Variants in GPCPD1 observed in about 807,000 individuals in gnomAD.
The protein encoded by GPCPD1 is glycerophosphocholine phosphodiesterase 1.
GPCPD1 carries 29 observed loss-of-function variants against 89.2 expected under a neutral mutation model. The observed-to-expected ratio is 0.33, with a 90% confidence interval of 0.24 to 0.44. The LOEUF is 0.44. GPCPD1 is among the 20% of genes least tolerant of loss of function. The pLI is 1.00. For missense variants in GPCPD1, 594 were observed against 808.9 expected (o/e 0.73, Z 3.22); for synonymous variants, 258 against 266.3 (o/e 0.97, Z 0.30).
chr20:5,557,520 A>C (rs1042334845), intron 19 of GPCPD1, among the ~76,000 whole-genome samples: 4 of 152,242 alleles, frequency 2.6e-5, no homozygotes, highest in Admixed American at 2.6e-4. Context: ...GAAATCAGGA[A>C]GACTGTAAGA....
intron 6 of GPCPD1, among the ~76,000 whole-genome samples, chr20:5,581,814 C>CTTTTTTTTTTTTTTTTTTTTT (rs11479995): frequency 4.0e-5 from 3 of 75,030 alleles, no homozygotes; most frequent in Admixed American, 1.6e-4. Flanking sequence ...GGGACTTTAA[C>CTTTTTTTTTTTTTTTTTTTTT]TTTTTTTTTT....
chr20:5,570,053 T>C (rs1474182105), intron 12 of GPCPD1, 94 bp downstream of exon 12: 2 of 583,474 alleles, frequency 3.4e-6, no homozygotes, highest in African/African-American at 1.9e-5. Context: ...TAACCAATTC[T>C]ATTTAATAAG....
Position 5,561,454 on chromosome 20 carries a change from G to T in GPCPD1, c.1395+11C>A. On this transcript the variant is annotated intron_variant, in intron 16 of 19. Coordinates refer to ENST00000379019, the MANE Select transcript of GPCPD1 (RefSeq NM_019593.5). ...GAGAGTATAGAATGTGCTGCATAGAGAATTACTTACCCTTTGCTGGCAGAT... is the reference window on the plus strand; with the variant it reads ...GAGAGTATAGAATGTGCTGCATAGATAATTACTTACCCTTTGCTGGCAGAT... 1.0e-5 allele frequency: 15 copies of T among 1,483,188 alleles called. No homozygotes were observed. The highest frequency in any genetic ancestry group is 1.4e-5 in the Non-Finnish European group (15 of 1,062,468). The allele number at this position is 1,483,188 out of a possible 1,614,324, so 91.9% of individuals were successfully genotyped here.
intron 12 of GPCPD1, among the ~76,000 whole-genome samples, chr20:5,568,585 T>C (rs931925599): frequency 3.3e-5 from 5 of 152,098 alleles, no homozygotes; most frequent in African/African-American, 1.2e-4. Flanking sequence ...TTAGTAATAT[T>C]TGAACTCTCA....
At chr20:5,574,249 T>A (rs1978284973) in intron 10 of GPCPD1, 1 of 381,352 alleles carries the variant, frequency 2.6e-6, no homozygotes, top group African/African-American at 2.1e-5. Flanking sequence ...ACATGTAAAG[T>A]GATCAATAAA....
intron 1 of GPCPD1, among the ~76,000 whole-genome samples, chr20:5,607,821 T>TA (rs11478411): frequency 0.046 from 5,172 of 112,924 alleles, 145 homozygotes; most frequent in East Asian, 0.19. Flanking sequence ...CTGTCTCAAA[T>TA]AAAAAAAAAA....
chr20:5,594,524 C>A (rs1172756419), intron 3 of GPCPD1, among the ~76,000 whole-genome samples: 1 of 152,050 alleles, frequency 6.6e-6, no homozygotes, highest in Admixed American at 6.6e-5. Flanking sequence ...GATCTCCTGA[C>A]CTCATGATCC....
Position 5,573,933 on chromosome 20 carries a change from T to G in GPCPD1, c.1038A>C (p.Leu346Phe). ...TACTTACATGACTAGCAGCATTTCT[T>G]AAAGAAGCAATAGTATTTTCTTGAA... Reference protein sequence around the residue: ...AKVQENTIASLRNAASHGAAF... With the variant: ...AKVQENTIASFRNAASHGAAF... The change falls in exon 11 of 20, where the codon TTA becomes TTC. Residue 346 changes from leucine (L) to phenylalanine (F), a missense_variant. By Grantham distance (22) the Leu-to-Phe change is conservative. Transcript: ENST00000379019. 6.6e-7 allele frequency: 1 copy of G among 1,525,340 alleles called. No individual in the cohort carries two copies. The highest frequency in any genetic ancestry group is 9.1e-7 in the Non-Finnish European group (1 of 1,098,998). 94.5% of individuals were successfully genotyped at this position (1,525,340 alleles called of 1,614,324 possible). A position where few individuals can be genotyped will look rare whatever the true frequency, so the allele number is the denominator to read the frequency against.
At chr20:5,575,658 G>A (rs770154162) in intron 9 of GPCPD1, 113 bp from the exon 10 acceptor site, 272 of 900,472 alleles carry the variant, frequency 3.0e-4, no homozygotes, top group Non-Finnish European at 3.9e-4. Context: ...TCTGTCAAAC[G>A]GAAAAAAAAA....
intron 1 of GPCPD1, among the ~76,000 whole-genome samples, 154 bp from the exon 2 acceptor site, chr20:5,604,594 T>G (rs928802062): frequency 3.9e-5 from 4 of 102,346 alleles, no homozygotes; most frequent in African/African-American, 1.7e-4. Context: ...TGTTTTTGTT[T>G]TAAAGTAACT....
chr20:5,570,086 T>G, intron 12 of GPCPD1, 61 bp downstream of exon 12: 1 of 728,576 alleles, frequency 1.4e-6, no homozygotes, highest in Non-Finnish European at 2.4e-6. Flanking sequence ...TAAAAAAACT[T>G]CCTAGTTTTT....
chr20:5,577,475 A>G (rs1279475572), intron 8 of GPCPD1, among the ~76,000 whole-genome samples: 3 of 150,342 alleles, frequency 2.0e-5, no homozygotes, highest in Non-Finnish European at 4.4e-5. Context: ...GCAACAGAGC[A>G]AGACCCTCTC....
At chr20:5,599,331 G>A (rs1412234830) in intron 2 of GPCPD1, among the ~76,000 whole-genome samples, 3 of 151,952 alleles carry the variant, frequency 2.0e-5, no homozygotes, top group African/African-American at 7.2e-5. Context: ...GGGCGTGTGG[G>A]GGCAGATGCC....
intron 19 of GPCPD1, among the ~76,000 whole-genome samples, chr20:5,557,345 G>A (rs1267498884): frequency 6.6e-6 from 1 of 152,224 alleles, no homozygotes; most frequent in Non-Finnish European, 1.5e-5. Flanking sequence ...CACCAAAGAT[G>A]AGCTGCTTTA....
rs757168545 is a variant in GPCPD1, at chr20:5,578,494, C to T, written c.591G>A (p.Lys197=). The T allele has an allele frequency of 2.5e-6, 4 of 1,613,866 alleles. No individual in the cohort carries two copies. The highest frequency in any genetic ancestry group is 2.2e-5 in the East Asian group (1 of 44,886). The change falls in exon 8 of 20, where the codon AAG becomes AAA. Residue 197 remains lysine, a synonymous_variant. Transcript: ENST00000379019. ...CACACTCCGGCTGTGAATGCCTGCACTTGAACTCATTGTCGCTTATTAAGG... is the reference window on the plus strand; with the variant it reads ...CACACTCCGGCTGTGAATGCCTGCATTTGAACTCATTGTCGCTTATTAAGG... The part of the protein sequence containing the change: ...EISLISDNEF[K]CRHSQPECGY...
intron 16 of GPCPD1, among the ~76,000 whole-genome samples, chr20:5,561,186 C>A (rs1986057465): frequency 6.6e-6 from 1 of 152,164 alleles, no homozygotes; most frequent in Non-Finnish European, 1.5e-5. Context: ...ATGTGACTAT[C>A]CACTTTATAA....
chr20:5,551,845 A>G (rs1344023001), intron 19 of GPCPD1, among the ~76,000 whole-genome samples: 1 of 152,220 alleles, frequency 6.6e-6, no homozygotes, highest in Non-Finnish European at 1.5e-5. Context: ...AATGATATGT[A>G]GCAGTTGAGT....
chr20:5,607,395 A>G (rs1263244861), intron 1 of GPCPD1, among the ~76,000 whole-genome samples: 1 of 151,998 alleles, frequency 6.6e-6, no homozygotes, highest in Admixed American at 6.6e-5. Flanking sequence ...ATTCAAGACC[A>G]GCCTGGCCAA....
chr20:5,609,226 G>A (rs1437816665), intron 1 of GPCPD1, among the ~76,000 whole-genome samples: 2 of 152,106 alleles, frequency 1.3e-5, no homozygotes, highest in Admixed American at 6.6e-5. Flanking sequence ...CCCAGGCCTT[G>A]GCAGCTTTGA....
Sources: allele counts gnomAD v4.1 joint callset (sites outside exome capture counted in the v4.1 genomes callset), GRCh38; gene constraint gnomAD v4.1.1; transcripts MANE v1.5; gene names NCBI Gene and HGNC (gene_info 2026-07-23, HGNC 2026-07-21).